PCSK5: variants seen among roughly 807,000 people sequenced by gnomAD.
PCSK5 encodes proprotein convertase subtilisin/kexin type 5.
In PCSK5, 129 loss-of-function variants were observed where a neutral mutation model predicts 233.2. That is an observed-to-expected ratio of 0.55 (90% CI 0.48 to 0.64). The LOEUF (loss-of-function observed/expected upper bound fraction) is 0.64, where lower values mean the gene tolerates loss of function less well. Ranked by LOEUF, PCSK5 falls within the 30% of genes least tolerant of loss-of-function variation. PCSK5 has a pLI of 0.00. For missense variants in PCSK5, 2,076 were observed against 2,430.1 expected, an observed-to-expected ratio of 0.85 and a Z score of 3.06; for synonymous variants, 825 against 879.2, an observed-to-expected ratio of 0.94 and a Z score of 1.09.
intron 10 of PCSK5, among the ~76,000 whole-genome samples, chr9:76,155,071 A>G (rs1190889373): frequency 6.6e-6 from 1 of 152,198 alleles, no homozygotes; most frequent in South Asian, 2.1e-4. Flanking sequence ...TAAAAAAATA[A>G]TAAAAATTGC....
chr9:75,944,230 T>A (rs1185718819), intron 2 of PCSK5, among the ~76,000 whole-genome samples: 1 of 150,944 alleles, frequency 6.6e-6, no homozygotes, highest in Non-Finnish European at 1.5e-5. Context: ...AATAAAGTTT[T>A]AAAAAGCAGT....
intron 5 of PCSK5, among the ~76,000 whole-genome samples, chr9:76,038,277 A>C (rs1828948109): frequency 6.6e-6 from 1 of 152,088 alleles, no homozygotes; most frequent in Admixed American, 6.6e-5. Context: ...TGATACCTTG[A>C]TCTTCCCATA....
chr9:75,959,011 A>AG (rs1342212833), intron 2 of PCSK5, among the ~76,000 whole-genome samples: 15 of 152,328 alleles, frequency 9.8e-5, no homozygotes, highest in African/African-American at 3.6e-4. Context: ...ATAGAAACTT[A>AG]GGGGACAAAA....
At chr9:76,326,851 T>C (rs1564182641) in intron 32 of PCSK5, among the ~76,000 whole-genome samples, 1 of 152,052 alleles carries the variant, frequency 6.6e-6, no homozygotes, top group Non-Finnish European at 1.5e-5. Context: ...GACAGGGAGA[T>C]AGGCAGGATG....
chr9:76,267,882 G>A (rs1387383158), intron 24 of PCSK5, among the ~76,000 whole-genome samples: 1 of 151,998 alleles, frequency 6.6e-6, no homozygotes, highest in African/African-American at 2.4e-5. Context: ...CAAAGTTGAA[G>A]AGCATTGCCT....
intron 5 of PCSK5, among the ~76,000 whole-genome samples, chr9:76,039,060 A>C (rs1029037): frequency 0.49 from 74,662 of 152,014 alleles, 19,616 homozygotes; most frequent in African/African-American, 0.68. Flanking sequence ...TTGTAGCCCA[A>C]ATGCAAATAT....
chr9:76,298,244 A>G (rs1828502672), intron 27 of PCSK5, among the ~76,000 whole-genome samples: 1 of 152,104 alleles, frequency 6.6e-6, no homozygotes, highest in African/African-American at 2.4e-5. Flanking sequence ...TGCAAGCAGA[A>G]ACCAGGCTTC....
intron 3 of PCSK5, among the ~76,000 whole-genome samples, chr9:76,009,663 A>C (rs1410312632): frequency 6.6e-6 from 1 of 151,842 alleles, no homozygotes; most frequent in African/African-American, 2.4e-5. Context: ...AAATCCTATT[A>C]CCTTAAACTG....
At chr9:76,009,376 C>T (rs538746548) in intron 3 of PCSK5, among the ~76,000 whole-genome samples, 14 of 152,190 alleles carry the variant, frequency 9.2e-5, no homozygotes, top group African/African-American at 3.4e-4. Flanking sequence ...AAAAATCCTA[C>T]TACCCACTTT....
chr9:76,125,843 C>T (rs1832828477), intron 9 of PCSK5, among the ~76,000 whole-genome samples: 1 of 152,218 alleles, frequency 6.6e-6, no homozygotes, highest in Non-Finnish European at 1.5e-5. Flanking sequence ...ATGGTTGCTG[C>T]AGCTCCAATC....
Position 76,257,285 on chromosome 9 carries a change from T to TA in PCSK5, c.3142+16601_3142+16602insA, listed in dbSNP as rs567600840. Among the ~76,000 whole-genome samples, 25 of 152,066 alleles carry TA rather than the reference T, an allele frequency of 1.6e-4. No individual in the cohort carries two copies. In the South Asian group the frequency reaches 5.2e-3, roughly 32 times the overall value. On this transcript the variant is annotated intron_variant, in intron 24 of 37. Transcript: ENST00000674117. ...ATAGATGGTAGGAAGAGCTTCAAGC[T>TA]CCACTGGTTGAGGAGAAAAAAAAAA...
At chr9:75,970,563 A>C (rs983229885) in intron 2 of PCSK5, among the ~76,000 whole-genome samples, 3 of 152,138 alleles carry the variant, frequency 2.0e-5, no homozygotes, top group African/African-American at 7.2e-5. Context: ...TGGAACATAA[A>C]GGCTCTAGAG....
intron 3 of PCSK5, among the ~76,000 whole-genome samples, chr9:75,988,813 T>G (rs193286530): frequency 6.6e-6 from 1 of 152,320 alleles, no homozygotes; most frequent in African/African-American, 2.4e-5. Flanking sequence ...TTTAGTTAAC[T>G]TACCTAAGAT....
rs1167883092 is a variant in PCSK5, at chr9:76,360,707, A to G, written c.*1785A>G. 1 of 152,206 alleles carries G rather than the reference A, an allele frequency of 6.6e-6. No homozygotes were observed. The highest frequency in any genetic ancestry group is 1.5e-5 in the Non-Finnish European group (1 of 68,032). The allele number at this position is 152,206 out of a possible 1,614,324, so 9.4% of individuals were successfully genotyped here. A position where few individuals can be genotyped will look rare whatever the true frequency, so the allele number is the denominator to read the frequency against. On this transcript the variant is annotated 3_prime_UTR_variant, in exon 38 of 38. Transcript: ENST00000674117. ...GTAAGTACATTAGGCTTTCTTGGCC[A>G]GAAAGTCTCTGTCATAACCACTCAG...
intron 7 of PCSK5, among the ~76,000 whole-genome samples, chr9:76,082,849 G>A (rs987241252): frequency 1.6e-4 from 24 of 151,960 alleles, no homozygotes; most frequent in Admixed American, 9.8e-4. Context: ...ACTTGAAATG[G>A]TATCTTTTTC....
At chr9:76,212,234 A>T (rs1301360863) in intron 20 of PCSK5, among the ~76,000 whole-genome samples, 1 of 152,084 alleles carries the variant, frequency 6.6e-6, no homozygotes, top group East Asian at 1.9e-4. Flanking sequence ...GTACCTAAAC[A>T]TGACACTCTA....
intron 24 of PCSK5, among the ~76,000 whole-genome samples, chr9:76,245,834 G>T (rs557141688): frequency 9.5e-4 from 144 of 152,232 alleles, no homozygotes; most frequent in African/African-American, 2.1e-3. Flanking sequence ...CTGTGTTCAG[G>T]ATAATTAAAG....
At chr9:76,022,813 T>C (rs1828254771) in intron 3 of PCSK5, among the ~76,000 whole-genome samples, 1 of 152,194 alleles carries the variant, frequency 6.6e-6, no homozygotes, top group Non-Finnish European at 1.5e-5. Flanking sequence ...AGGACACCTT[T>C]CTGGACTTGG....
intron 34 of PCSK5, among the ~76,000 whole-genome samples, chr9:76,334,220 G>T (rs1043059962): frequency 1.3e-5 from 2 of 152,004 alleles, no homozygotes; most frequent in Non-Finnish European, 2.9e-5. Context: ...TCTCCCACAG[G>T]GTCCCTCCCA....
Sources: allele counts gnomAD v4.1 joint callset (sites outside exome capture counted in the v4.1 genomes callset), GRCh38; gene constraint gnomAD v4.1.1; transcripts MANE v1.5; gene names NCBI Gene and HGNC (gene_info 2026-07-23, HGNC 2026-07-21).